SIPA1L1: variants seen among roughly 807,000 people sequenced by gnomAD.
SIPA1L1 encodes signal induced proliferation associated 1 like 1.
SIPA1L1 carries 26 observed loss-of-function variants against 162.7 expected under a neutral mutation model. The observed-to-expected ratio is 0.16, with a 90% CI of 0.12 to 0.22. SIPA1L1 has a LOEUF of 0.22. SIPA1L1 is among the 10% of genes least tolerant of loss of function. The probability of loss-of-function intolerance (pLI) is 1.00; values close to 1 mark genes in which losing one functional copy is unlikely to be tolerated. For synonymous variants in SIPA1L1, 829 were observed against 837.4 expected (o/e 0.99, Z 0.17); for missense variants, 1,874 against 2,241.0 (o/e 0.84, Z 3.31).
intron 10 of SIPA1L1, among the ~76,000 whole-genome samples, chr14:71,664,344 A>C (rs1401520726): frequency 6.6e-6 from 1 of 152,160 alleles, no homozygotes; most frequent in African/African-American, 2.4e-5. Context: ...ATTTTATTTA[A>C]ATCTAATTTA....
chr14:71,723,755 C>G lies in SIPA1L1; in HGVS notation c.4317C>G (p.Phe1439Leu). ...PAAPSQLAPSFSSSSSSSSGP... is the reference protein window; with the variant it reads ...PAAPSQLAPSLSSSSSSSSGP... Reference sequence around the variant, plus strand: ...CCCCCTCACAGCTCGCACCATCCTTCTCCTCCTCTTCCTCCTCCTCCTCTG... The same window carrying G: ...CCCCCTCACAGCTCGCACCATCCTTGTCCTCCTCTTCCTCCTCCTCCTCTG... Residue 1439 changes from phenylalanine (F) to leucine (L), a missense_variant, in exon 18 of 24, where the codon TTC (phenylalanine) becomes TTG (leucine). Around this residue, in one of 5 missense-constraint regions of SIPA1L1, gnomAD observed 936 missense variants for 1,051.9 expected, o/e 0.89. Coordinates refer to ENST00000381232, the MANE Select transcript of SIPA1L1 (RefSeq NM_001386936.1). 1 of 1,614,222 alleles carries G rather than the reference C, an allele frequency of 6.2e-7. No homozygotes were observed. Among genetic ancestry groups the G allele is most frequent in the Non-Finnish European group, 8.5e-7 (1 of 1,180,024 alleles).
chr14:71,381,648 T>A (rs746768915), intron 2 of SIPA1L1, among the ~76,000 whole-genome samples: 6 of 152,232 alleles, frequency 3.9e-5, no homozygotes, highest in Non-Finnish European at 5.9e-5. Flanking sequence ...CTTTTTGTCC[T>A]AGAAATATTC....
chr14:71,624,359 C>T (rs2039753758), intron 7 of SIPA1L1, 123 bp downstream of exon 7: 3 of 800,310 alleles, frequency 3.7e-6, no homozygotes, highest in Non-Finnish European at 5.5e-6. Context: ...GAAAGACACT[C>T]TCTTTGCAAT....
intron 22 of SIPA1L1, among the ~76,000 whole-genome samples, chr14:71,737,572 G>A (rs2085415124): frequency 6.6e-6 from 1 of 152,146 alleles, no homozygotes; most frequent in Admixed American, 6.5e-5. Flanking sequence ...CCGTACCCCA[G>A]CTCACACTTC....
chr14:71,358,761 C>T (rs2037518423), intron 2 of SIPA1L1, among the ~76,000 whole-genome samples: 1 of 152,102 alleles, frequency 6.6e-6, no homozygotes, highest in African/African-American at 2.4e-5. Context: ...CTGGGGAGGC[C>T]TCAGGAAACT....
chr14:71,485,396 C>T (rs2048670695), intron 2 of SIPA1L1, among the ~76,000 whole-genome samples: 1 of 152,202 alleles, frequency 6.6e-6, no homozygotes, highest in Admixed American at 6.5e-5. Flanking sequence ...TTTACAGCTG[C>T]TCCCCATTGC....
At chr14:71,725,231 G>A (rs776437166) in intron 19 of SIPA1L1, among the ~76,000 whole-genome samples, 4 of 152,114 alleles carry the variant, frequency 2.6e-5, no homozygotes, top group Non-Finnish European at 4.4e-5. Context: ...GAGGGTCCTC[G>A]TCTTCTCAGA....
At chr14:71,435,640 G>A (rs2044320523) in intron 2 of SIPA1L1, among the ~76,000 whole-genome samples, 1 of 152,178 alleles carries the variant, frequency 6.6e-6, no homozygotes, top group South Asian at 2.1e-4. Context: ...AAACATACGT[G>A]TGCATGTGTC....
intron 4 of SIPA1L1, among the ~76,000 whole-genome samples, chr14:71,566,188 A>G (rs1010776161): frequency 5.9e-5 from 9 of 152,158 alleles, no homozygotes; most frequent in African/African-American, 1.7e-4. Context: ...GATCACATGA[A>G]TGATCTTAGT....
intron 2 of SIPA1L1, among the ~76,000 whole-genome samples, chr14:71,507,421 A>G (rs2050764265): frequency 1.3e-5 from 2 of 152,168 alleles, no homozygotes; most frequent in South Asian, 2.1e-4. Context: ...TAATTAAGAC[A>G]CTCATCTTTC....
intron 5 of SIPA1L1, chr14:71,598,378 C>CT (rs576111129): frequency 1.9e-4 from 51 of 269,162 alleles, no homozygotes; most frequent in African/African-American, 7.1e-4. Flanking sequence ...AAGATAGTAA[C>CT]TTTATGGTGG....
intron 5 of SIPA1L1, among the ~76,000 whole-genome samples, chr14:71,604,828 G>T (rs1253436934): frequency 1.3e-5 from 2 of 151,848 alleles, no homozygotes; most frequent in Admixed American, 1.3e-4. Flanking sequence ...TTTGTCTTTG[G>T]CTTTTGATGG....
intron 2 of SIPA1L1, among the ~76,000 whole-genome samples, chr14:71,430,267 G>A (rs965876906): frequency 1.3e-5 from 2 of 151,852 alleles, no homozygotes; most frequent in Non-Finnish European, 2.9e-5. Context: ...TTGCATGGTT[G>A]TCTGGTATGA....
At chr14:71,343,075 C>T (rs1455453441) in intron 2 of SIPA1L1, among the ~76,000 whole-genome samples, 1 of 152,200 alleles carries the variant, frequency 6.6e-6, no homozygotes, top group Non-Finnish European at 1.5e-5. Flanking sequence ...TCATCCTGTT[C>T]TTGGTTTACC....
At chr14:71,479,319 A>ATG (rs954065953) in intron 2 of SIPA1L1, among the ~76,000 whole-genome samples, 4 of 148,430 alleles carry the variant, frequency 2.7e-5, no homozygotes, top group African/African-American at 5.1e-5. Context: ...CTCTTTTTCC[A>ATG]TGTGTGTGTG....
chr14:71,577,644 G>T (rs2033273033), intron 4 of SIPA1L1, among the ~76,000 whole-genome samples: 1 of 151,738 alleles, frequency 6.6e-6, no homozygotes, highest in Non-Finnish European at 1.5e-5. Context: ...CTCCCAAAGT[G>T]CTGGGATTAC....
intron 10 of SIPA1L1, among the ~76,000 whole-genome samples, chr14:71,663,662 C>G (rs1049474448): frequency 1.3e-5 from 2 of 152,068 alleles, no homozygotes; most frequent in Non-Finnish European, 2.9e-5. Flanking sequence ...TTTTTATCAT[C>G]CCTCCCCTGA....
At chr14:71,383,880 G>A (rs1595139648) in intron 2 of SIPA1L1, among the ~76,000 whole-genome samples, 1 of 152,140 alleles carries the variant, frequency 6.6e-6, no homozygotes. Flanking sequence ...GATTTGGAAG[G>A]CATGAATATC....
intron 4 of SIPA1L1, among the ~76,000 whole-genome samples, chr14:71,550,108 A>G (rs960688691): frequency 1.3e-5 from 2 of 152,132 alleles, no homozygotes; most frequent in African/African-American, 4.8e-5. Flanking sequence ...AAAATTAGCC[A>G]GGTGTGTTGG....
Sources: allele counts gnomAD v4.1 joint callset (sites outside exome capture counted in the v4.1 genomes callset), GRCh38; gene constraint gnomAD v4.1.1; regional missense constraint gnomAD v4.1.1; transcripts MANE v1.5; gene names NCBI Gene and HGNC (gene_info 2026-07-23, HGNC 2026-07-21).